Variants in GLIS3 observed in about 807,000 individuals in gnomAD.
GLIS3 encodes the protein GLIS family zinc finger 3.
A neutral mutation model predicts 78.6 loss-of-function variants in GLIS3; 53 were observed. The observed-to-expected ratio is 0.67, with a 90% CI of 0.54 to 0.85. The LOEUF (loss-of-function observed/expected upper bound fraction) is 0.85, where lower values mean the gene tolerates loss of function less well. Ranked by LOEUF, GLIS3 falls within the 40% of genes least tolerant of loss-of-function variation. The probability of loss-of-function intolerance (pLI) is 0.00; values close to 1 mark genes in which losing one functional copy is unlikely to be tolerated. For synonymous variants in GLIS3, 684 were observed against 509.9 expected (o/e 1.34, Z -4.60); for missense variants, 1,703 against 1,231.1 (o/e 1.38, Z -5.74).
chr9:3,991,461 T>C (rs1820226344), intron 4 of GLIS3, among the ~76,000 whole-genome samples: 1 of 152,084 alleles, frequency 6.6e-6, no homozygotes, highest in South Asian at 2.1e-4. Flanking sequence ...GCTGAAGTTG[T>C]GATTTCATTT....
intron 4 of GLIS3, among the ~76,000 whole-genome samples, chr9:3,990,388 G>A (rs1161234695): frequency 6.6e-6 from 1 of 152,168 alleles, no homozygotes; most frequent in African/African-American, 2.4e-5. Context: ...AATGGCGCAT[G>A]TTTTCTTCAC....
intron 4 of GLIS3, among the ~76,000 whole-genome samples, chr9:3,966,558 G>A (rs13301915): frequency 0.081 from 12,272 of 152,010 alleles, 556 homozygotes; most frequent in Middle Eastern, 0.13. Flanking sequence ...CACTTTGGGA[G>A]GCTGAGGCAG....
the GLIS3 span, among the ~76,000 whole-genome samples, chr9:4,480,885 G>A: frequency 6.7e-6 from 1 of 149,142 alleles, no homozygotes; most frequent in African/African-American, 2.5e-5. Context: ...GACAGGTATT[G>A]CTCTGTTGCT....
chr9:4,427,918 G>C, the GLIS3 span, among the ~76,000 whole-genome samples: 3 of 151,116 alleles, frequency 2.0e-5, 1 homozygote, highest in South Asian at 6.4e-4. Context: ...AAATTTACTA[G>C]ACTGCTTCTG....
chr9:4,150,833 A>G (rs1045044483), intron 2 of GLIS3: 2 of 152,186 alleles, frequency 1.3e-5, no homozygotes, highest in Admixed American at 6.5e-5. Flanking sequence ...TGGCAGCATC[A>G]GGACAAAAAT....
At chr9:4,013,750 C>G (rs1298257877) in intron 4 of GLIS3, among the ~76,000 whole-genome samples, 3 of 152,164 alleles carry the variant, frequency 2.0e-5, no homozygotes, top group African/African-American at 4.8e-5. Context: ...TTAATAGAGT[C>G]TGAGGGGCAG....
intron 2 of GLIS3, among the ~76,000 whole-genome samples, chr9:4,265,357 A>AT (rs1281648717): frequency 6.6e-5 from 10 of 151,878 alleles, no homozygotes; most frequent in Middle Eastern, 6.8e-3. Context: ...GCCTTATTTA[A>AT]TTTTTCCAGG....
chr9:4,457,547 G>T, the GLIS3 span, among the ~76,000 whole-genome samples: 112 of 151,874 alleles, frequency 7.4e-4, no homozygotes, highest in Non-Finnish European at 1.3e-3. Context: ...ATCAAATAAC[G>T]ACTTAAAATG....
intron 2 of GLIS3, among the ~76,000 whole-genome samples, chr9:4,163,368 G>A (rs959315556): frequency 1.3e-5 from 2 of 152,262 alleles, no homozygotes; most frequent in Non-Finnish European, 2.9e-5. Flanking sequence ...TTAAGAGCTG[G>A]AGGATACCTC....
the GLIS3 span, among the ~76,000 whole-genome samples, chr9:4,419,799 A>G: frequency 6.6e-6 from 1 of 151,898 alleles, no homozygotes; most frequent in Non-Finnish European, 1.5e-5. Flanking sequence ...CAAACAAACA[A>G]ACAAAAACAA....
At chr9:4,467,326 C>T in the GLIS3 span, among the ~76,000 whole-genome samples, 490 of 152,328 alleles carry the variant, frequency 3.2e-3, 3 homozygotes, top group African/African-American at 9.4e-3. Flanking sequence ...AACGGACAGA[C>T]TGCCTCCTCA....
intron 2 of GLIS3, among the ~76,000 whole-genome samples, chr9:4,179,252 G>A (rs1285335905): frequency 6.6e-6 from 1 of 152,156 alleles, no homozygotes; most frequent in Non-Finnish European, 1.5e-5. Context: ...TATTAATAAT[G>A]AACAAGCCAA....
At chr9:4,419,902 G>A in the GLIS3 span, among the ~76,000 whole-genome samples, 6 of 152,086 alleles carry the variant, frequency 3.9e-5, no homozygotes, top group Non-Finnish European at 7.4e-5. Flanking sequence ...CTCCCACCAG[G>A]CCTCACCTAC....
intron 2 of GLIS3, among the ~76,000 whole-genome samples, chr9:4,175,256 T>C (rs934298028): frequency 5.9e-5 from 9 of 152,208 alleles, no homozygotes; most frequent in Non-Finnish European, 8.8e-5. Context: ...TCAAAATCTG[T>C]TGATAATGTT....
At chr9:4,058,629 G>A (rs1826344879) in intron 4 of GLIS3, among the ~76,000 whole-genome samples, 1 of 152,116 alleles carries the variant, frequency 6.6e-6, no homozygotes, top group Non-Finnish European at 1.5e-5. Flanking sequence ...TCTTGGCCAA[G>A]AGCGACATTT....
chr9:3,845,414 A>C lies in GLIS3; in HGVS notation c.2473+10595T>G, dbSNP rs116176078. Among the ~76,000 whole-genome samples, 256 of 152,314 alleles carry C rather than the reference A, an allele frequency of 1.7e-3. 1 individual carries two copies. Among genetic ancestry groups the C allele is most frequent in the Middle Eastern group, 0.01 (3 of 294 alleles). ...CTTCTATGAGCATTTAAAAAGGTCTAAAAGAATACTTGCCAATCTTTTAAT... is the reference window on the plus strand; with the variant it reads ...CTTCTATGAGCATTTAAAAAGGTCTCAAAGAATACTTGCCAATCTTTTAAT... On this transcript the variant is annotated intron_variant, in intron 9 of 10. Transcript: ENST00000381971.
chr9:4,094,364 G>C (rs1829775665), intron 4 of GLIS3, among the ~76,000 whole-genome samples: 1 of 152,288 alleles, frequency 6.6e-6, no homozygotes, highest in African/African-American at 2.4e-5. Flanking sequence ...CTATGTTAGT[G>C]AAATCTGCCA....
chr9:4,286,526 G>A lies in GLIS3; in HGVS notation c.-98-3C>T, dbSNP rs1213389901. 5.6e-6 allele frequency: 8 copies of A among 1,419,250 alleles called. No homozygotes were observed. Among genetic ancestry groups the A allele is most frequent in the Non-Finnish European group, 7.8e-6 (8 of 1,025,836 alleles). The allele number at this position is 1,419,250 out of a possible 1,614,324, so 87.9% of individuals were successfully genotyped here. A position where few individuals can be genotyped will look rare whatever the true frequency, so the allele number is the denominator to read the frequency against. On this transcript the variant is annotated splice_region_variant and splice_polypyrimidine_tract_variant and intron_variant, in intron 1 of 10. Coordinates refer to ENST00000381971, the MANE Select transcript of GLIS3 (RefSeq NM_001042413.2). ...TATCCATGGTGTGGGTTATAAGCCT[G>A]TTTAAAAAAATAAACGCAGGCATTT...
At chr9:4,352,015 T>C (rs1276987198), upstream of GLIS3, among the ~76,000 whole-genome samples, 1 of 152,220 alleles carries the variant, frequency 6.6e-6, no homozygotes, top group African/African-American at 2.4e-5. Flanking sequence ...ATAAGCAAGA[T>C]CAATTTTCTA....
Sources: gnomAD v4.1 joint callset for allele counts (sites outside exome capture counted in the v4.1 genomes callset) on GRCh38, gnomAD v4.1.1 for gene constraint, MANE v1.5 for transcripts, NCBI Gene and HGNC (gene_info 2026-07-23, HGNC 2026-07-21) for gene names.